The following MAPK10 variants were observed in gnomAD, a reference collection of about 807,000 sequenced individuals.
The protein encoded by MAPK10 is JNK3 alpha protein kinase.
In MAPK10, 25 loss-of-function variants were observed where a neutral mutation model predicts 59.3. The ratio of observed to expected loss-of-function variants is 0.42; its 90% CI spans 0.31 to 0.59. The LOEUF (loss-of-function observed/expected upper bound fraction) is 0.59. MAPK10 is among the 20% of genes least tolerant of loss of function. The pLI is 0.15. For missense variants in MAPK10, 351 were observed against 568.9 expected, an observed-to-expected ratio of 0.62 and a Z score of 3.90; for synonymous variants, 190 against 200.5, an observed-to-expected ratio of 0.95 and a Z score of 0.44.
chr4:86,567,409 A>G (rs967367898), intron 1 of MAPK10, among the ~76,000 whole-genome samples: 8 of 152,106 alleles, frequency 5.3e-5, no homozygotes, highest in East Asian at 1.9e-4. Context: ...TAGTAGAGAC[A>G]GGGTTTCACC....
At chr4:86,501,365 A>AT (rs1440162961) in intron 1 of MAPK10, among the ~76,000 whole-genome samples, 2 of 151,988 alleles carry the variant, frequency 1.3e-5, no homozygotes, top group South Asian at 2.1e-4. Flanking sequence ...AATATTGTAT[A>AT]TTTTTTCTGA....
upstream of MAPK10, among the ~76,000 whole-genome samples, chr4:86,456,246 G>A (rs1751214936): frequency 1.3e-5 from 2 of 151,966 alleles, no homozygotes; most frequent in Non-Finnish European, 2.9e-5. Context: ...ACACCTCAAG[G>A]AACTAGAGAA....
At chr4:86,018,618 G>A (rs997452173) in intron 13 of MAPK10, among the ~76,000 whole-genome samples, 3 of 152,166 alleles carry the variant, frequency 2.0e-5, no homozygotes, top group Non-Finnish European at 4.4e-5. Flanking sequence ...AAGGCATTGT[G>A]CGATACAATT....
intron 1 of MAPK10, among the ~76,000 whole-genome samples, chr4:86,590,929 G>A (rs1762999234): frequency 6.6e-6 from 1 of 152,062 alleles, no homozygotes; most frequent in South Asian, 2.1e-4. Context: ...TTTCTCATAA[G>A]TCTGTCATGA....
intron 1 of MAPK10, among the ~76,000 whole-genome samples, chr4:86,547,344 A>G (rs1349160058): frequency 6.6e-6 from 1 of 152,200 alleles, no homozygotes; most frequent in Non-Finnish European, 1.5e-5. Context: ...GGGAACCAGG[A>G]CTGCGCGAGT....
At chr4:86,157,606 G>A (rs1039571333) in intron 4 of MAPK10, among the ~76,000 whole-genome samples, 4 of 151,924 alleles carry the variant, frequency 2.6e-5, no homozygotes, top group South Asian at 2.1e-4. Context: ...GGGAATGGAT[G>A]CATTTGACAT....
chr4:86,368,214 T>C (rs2148990965), intron 1 of MAPK10, among the ~76,000 whole-genome samples: 1 of 152,284 alleles, frequency 6.6e-6, no homozygotes, highest in Admixed American at 6.5e-5. Flanking sequence ...AGACTTTATT[T>C]GTAGGGCAGC....
intron 2 of MAPK10, among the ~76,000 whole-genome samples, chr4:86,201,138 T>C (rs929979353): frequency 1.3e-5 from 2 of 151,966 alleles, no homozygotes; most frequent in East Asian, 3.9e-4. Flanking sequence ...TCACATAACG[T>C]CCTCCAGTTC....
intron 9 of MAPK10, chr4:86,091,391 T>A (rs2053114058): frequency 6.6e-6 from 1 of 151,840 alleles, no homozygotes; most frequent in Admixed American, 6.6e-5. Flanking sequence ...ATTGACTCTA[T>A]GGAACTTCTC....
chr4:86,383,819 T>C (rs1293783633), intron 1 of MAPK10, among the ~76,000 whole-genome samples: 1 of 152,308 alleles, frequency 6.6e-6, no homozygotes, highest in East Asian at 1.9e-4. Context: ...TAGGTAATCA[T>C]ATGTAGAGAT....
intron 2 of MAPK10, among the ~76,000 whole-genome samples, chr4:86,302,607 T>A (rs1186250565): frequency 2.0e-5 from 3 of 152,216 alleles, no homozygotes; most frequent in Non-Finnish European, 4.4e-5. Flanking sequence ...GTCTACTATT[T>A]GTAAGTGACC....
In MAPK10 at chr4:86,252,241, C is replaced by G. The variant is rs931628337; in HGVS notation, c.-6-57834G>C. ...CTTTTGGTGTTTTGGACATGAAGTC[C>G]TTGCCCACGCCTATGTCCTGAATGG... On this transcript the variant is annotated intron_variant, in intron 2 of 13. Transcript: ENST00000641462. Among the ~76,000 whole-genome samples the G allele has an allele frequency of 4.7e-5, 6 of 126,662 alleles. 1 individual carries two copies. The highest frequency in any genetic ancestry group is 8.6e-5 in the African/African-American group (2 of 23,198). The allele number at this position is 126,662 out of a possible 152,430, so 83.1% of individuals were successfully genotyped here. A position where few individuals can be genotyped will look rare whatever the true frequency, so the allele number is the denominator to read the frequency against.
At chr4:86,251,820 C>T (rs1416823915) in intron 2 of MAPK10, among the ~76,000 whole-genome samples, 3 of 139,258 alleles carry the variant, frequency 2.2e-5, no homozygotes, top group African/African-American at 9.2e-5. Flanking sequence ...TATTTCTCCA[C>T]ATCCTCTCCA....
intron 4 of MAPK10, among the ~76,000 whole-genome samples, chr4:86,156,983 G>A (rs1302911293): frequency 2.0e-5 from 3 of 151,986 alleles, no homozygotes; most frequent in African/African-American, 4.8e-5. Flanking sequence ...AAAGGCAGAA[G>A]GAAAATTTTC....
upstream of MAPK10, among the ~76,000 whole-genome samples, chr4:86,455,874 G>A (rs537980624): frequency 6.6e-6 from 1 of 152,148 alleles, no homozygotes; most frequent in East Asian, 1.9e-4. Flanking sequence ...AACAACACAT[G>A]GAACTTTCTC....
chr4:86,421,039 G>A (rs1564837874), intron 1 of MAPK10, among the ~76,000 whole-genome samples: 1 of 151,902 alleles, frequency 6.6e-6, no homozygotes, highest in Non-Finnish European at 1.5e-5. Flanking sequence ...CCGAGAGCAT[G>A]CCACTGCACT....
intron 3 of MAPK10, among the ~76,000 whole-genome samples, chr4:86,172,050 C>T (rs1473775350): frequency 1.4e-5 from 2 of 139,478 alleles, no homozygotes; most frequent in East Asian, 1.9e-4. Context: ...GTTAGAATGG[C>T]AATCATTAAA....
chr4:86,202,943 CA>C (rs1185628479), intron 2 of MAPK10, among the ~76,000 whole-genome samples: 9 of 151,904 alleles, frequency 5.9e-5, no homozygotes, highest in Non-Finnish European at 1.2e-4. Flanking sequence ...CAGCAAATTA[CA>C]AAAAATTCGT....
chr4:86,436,476 C>T (rs1432408262), intron 1 of MAPK10, among the ~76,000 whole-genome samples: 2 of 152,002 alleles, frequency 1.3e-5, no homozygotes, highest in Non-Finnish European at 2.9e-5. Flanking sequence ...ACATGGCAAT[C>T]GATGGTCATT....
Sources: allele counts gnomAD v4.1 joint callset (sites outside exome capture counted in the v4.1 genomes callset), GRCh38; gene constraint gnomAD v4.1.1; transcripts MANE v1.5; gene names NCBI Gene and HGNC (gene_info 2026-07-23, HGNC 2026-07-21).